The following EHMT1 variants were observed in gnomAD, a reference collection of about 807,000 sequenced individuals.
EHMT1 encodes the protein euchromatic histone lysine methyltransferase 1, also known as histone-lysine N-methyltransferase EHMT1.
EHMT1 carries 15 observed loss-of-function variants against 147.2 expected under a neutral mutation model. That is an observed-to-expected ratio of 0.10 (90% CI 0.07 to 0.16). The LOEUF (loss-of-function observed/expected upper bound fraction) is 0.16. EHMT1 is among the 10% of genes least tolerant of loss of function. The pLI is 1.00. For missense variants in EHMT1, 1,587 were observed against 1,772.4 expected, an observed-to-expected ratio of 0.90 and a Z score of 1.88; for synonymous variants, 795 against 709.6, an observed-to-expected ratio of 1.12 and a Z score of -1.91.
At chr9:137,655,859 C>T (rs892780958) in intron 1 of EHMT1, among the ~76,000 whole-genome samples, 1 of 152,142 alleles carries the variant, frequency 6.6e-6, no homozygotes, top group African/African-American at 2.4e-5. Flanking sequence ...ATGGAAACAT[C>T]GTCTTCCATG....
intron 16 of EHMT1, among the ~76,000 whole-genome samples, chr9:137,798,427 C>T (rs533337575): frequency 3.3e-5 from 5 of 152,102 alleles, no homozygotes; most frequent in African/African-American, 1.2e-4. Context: ...AAAAAAAAAA[C>T]AAGATGTGCC....
intron 10 of EHMT1, among the ~76,000 whole-genome samples, chr9:137,769,089 G>C (rs1441731415): frequency 1.3e-5 from 2 of 152,062 alleles, no homozygotes; most frequent in East Asian, 3.9e-4. Context: ...GGTTTCCCTG[G>C]AGTGTACAAT....
chr9:137,671,992 TC>T lies in EHMT1; in HGVS notation c.22-38973del, dbSNP rs1274154270. ...CACTCAGTGAAGCTCCCCCAGCACT[TC>T]CTGTCCAGCAGACATGACAGTGCAG... is the stretch of plus-strand genomic sequence containing the variant. On this transcript the variant is annotated intron_variant, in intron 1 of 26. Transcript: ENST00000460843. Among the ~76,000 whole-genome samples the T allele has an allele frequency of 7.9e-5, 12 of 152,200 alleles. No homozygotes were observed. In the South Asian group the frequency reaches 1.2e-3, roughly 16 times the overall value.
intron 10 of EHMT1, chr9:137,764,400 G>T (rs1950080117): frequency 1.3e-5 from 2 of 152,204 alleles, no homozygotes; most frequent in South Asian, 4.1e-4. Context: ...CCTCTGCAGA[G>T]CCTCTCACTT....
intron 10 of EHMT1, among the ~76,000 whole-genome samples, chr9:137,767,576 G>A (rs971295908): frequency 3.9e-5 from 6 of 152,224 alleles, no homozygotes; most frequent in African/African-American, 1.4e-4. Context: ...ACTTTGGGAG[G>A]CTGAGGTGGG....
intron 16 of EHMT1, among the ~76,000 whole-genome samples, chr9:137,793,814 C>A (rs77339939): frequency 0.029 from 4,459 of 152,180 alleles, 82 homozygotes; most frequent in Middle Eastern, 0.061. Context: ...ACGATGTGAC[C>A]GATAGAAGCC....
chr9:137,645,564 CAG>C (rs756118233), intron 1 of EHMT1, among the ~76,000 whole-genome samples: 10 of 152,160 alleles, frequency 6.6e-5, no homozygotes, highest in African/African-American at 2.4e-4. Flanking sequence ...AAGAGATAAA[CAG>C]GGTGTGATAG....
intron 9 of EHMT1, among the ~76,000 whole-genome samples, chr9:137,761,679 G>A (rs941883220): frequency 6.6e-6 from 1 of 151,906 alleles, no homozygotes; most frequent in African/African-American, 2.4e-5. Context: ...GGAGGGTCTC[G>A]ATCTCCTGAC....
At chr9:137,758,111 T>C in intron 9 of EHMT1, 100 bp downstream of exon 9, 1 of 1,520,454 alleles carries the variant, frequency 6.6e-7, no homozygotes, top group Admixed American at 1.7e-5. Context: ...TGGACACTAG[T>C]AGAAGATCGG....
chr9:137,715,933 T>C, intron 2 of EHMT1: 1 of 825,578 alleles, frequency 1.2e-6, no homozygotes, highest in Non-Finnish European at 1.5e-6. Flanking sequence ...GTTTAATATG[T>C]TTGAACTGAA....
chr9:137,736,855 C>T (rs1947579935), intron 4 of EHMT1, among the ~76,000 whole-genome samples: 1 of 152,042 alleles, frequency 6.6e-6, no homozygotes, highest in Non-Finnish European at 1.5e-5. Flanking sequence ...CATACCACTG[C>T]ACTCCAGCCT....
At chr9:137,629,694 A>G (rs1281842480) in intron 1 of EHMT1, among the ~76,000 whole-genome samples, 1 of 151,832 alleles carries the variant, frequency 6.6e-6, no homozygotes, top group Non-Finnish European at 1.5e-5. Flanking sequence ...CACCTGGTCC[A>G]GTTTTTTGTA....
At position 137,782,266 on chromosome 9, in the gene EHMT1, T is replaced by C. The variant is rs578237812; in HGVS notation, c.2276-25T>C. ...GAGTCTGTGGCTACATCTGAAATCA[T>C]TAATAAAACTGTGTTTGTTCACAGT... On this transcript the variant is annotated intron_variant, in intron 14 of 26. Coordinates refer to ENST00000460843, the MANE Select transcript of EHMT1 (RefSeq NM_024757.5). The surrounding 1 kb of genome is among the most constrained non-coding windows in gnomAD (Gnocchi z 5.7). 57 of 1,593,998 alleles carry C rather than the reference T, an allele frequency of 3.6e-5. No individual in the cohort carries two copies. Among genetic ancestry groups the C allele is most frequent in the Admixed American group, 8.4e-5 (5 of 59,442 alleles).
chr9:137,818,463 T>C (rs1017691531), intron 25 of EHMT1, among the ~76,000 whole-genome samples: 3 of 121,518 alleles, frequency 2.5e-5, no homozygotes, highest in African/African-American at 7.9e-5. Context: ...CCCCTGAGAC[T>C]GCACAGAGGT....
At chr9:137,734,391 G>A (rs1055717271) in intron 4 of EHMT1, among the ~76,000 whole-genome samples, 10 of 152,292 alleles carry the variant, frequency 6.6e-5, no homozygotes, top group Middle Eastern at 3.4e-3. Context: ...CTGAACAGAC[G>A]GAAGAAAGAG....
chr9:137,815,770 T>C, intron 22 of EHMT1, 177 bp from the exon 23 acceptor site: 1 of 664,842 alleles, frequency 1.5e-6, no homozygotes, highest in Non-Finnish European at 2.7e-6. Flanking sequence ...GGTGGAGGCT[T>C]CTCATCCAAA....
chr9:137,719,942 A>G lies in EHMT1; in HGVS notation c.642+2760A>G, dbSNP rs1260755496. 3.6e-3 allele frequency among the ~76,000 whole-genome samples: 86 copies of G among 23,872 alleles called. 3 individuals are homozygous for G. Among genetic ancestry groups the G allele is most frequent in the African/African-American group, 0.022 (78 of 3,556 alleles). The allele number at this position is 23,872 out of a possible 152,430, so 15.7% of individuals were successfully genotyped here. ...GGTGCCGAACCCCCTCCACACCAGG[A>G]CACAGTCGAGGTGCCGAACCCCCTC... On this transcript the variant is annotated intron_variant, in intron 3 of 26. Coordinates refer to ENST00000460843, the MANE Select transcript of EHMT1 (RefSeq NM_024757.5).
intron 3 of EHMT1, among the ~76,000 whole-genome samples, chr9:137,721,643 A>C: frequency 7.3e-6 from 1 of 137,068 alleles, no homozygotes; most frequent in Admixed American, 7.2e-5. Flanking sequence ...CACGCCTCTC[A>C]CTCTTGTTCC....
intron 1 of EHMT1, among the ~76,000 whole-genome samples, chr9:137,678,373 G>C (rs1337694146): frequency 1.3e-5 from 2 of 152,146 alleles, no homozygotes; most frequent in African/African-American, 4.8e-5. Flanking sequence ...GAGTAAGTTG[G>C]TAACCACAAG....
Sources: allele counts gnomAD v4.1 joint callset (sites outside exome capture counted in the v4.1 genomes callset), GRCh38; gene constraint gnomAD v4.1.1; non-coding constraint Gnocchi (gnomAD v3.1); transcripts MANE v1.5; gene names NCBI Gene and HGNC (gene_info 2026-07-23, HGNC 2026-07-21).